Variants in CSMD3 observed in about 807,000 individuals in gnomAD.
CSMD3 encodes CUB and Sushi multiple domains 3.
In CSMD3, 177 loss-of-function variants were observed where a neutral mutation model predicts 435.2. That is an observed-to-expected ratio of 0.41 (90% CI 0.36 to 0.46). CSMD3 has a LOEUF of 0.46. Ranked by LOEUF, CSMD3 falls within the 20% of genes least tolerant of loss-of-function variation. The probability of loss-of-function intolerance (pLI) is 0.34; values close to 1 mark genes in which losing one functional copy is unlikely to be tolerated. For synonymous variants in CSMD3, 1,656 were observed against 1,520.5 expected, an observed-to-expected ratio of 1.09 and a Z score of -2.07; for missense variants, 4,265 against 4,504.6, an observed-to-expected ratio of 0.95 and a Z score of 1.52.
At chr8:113,401,014 C>T (rs2094507557) in intron 1 of CSMD3, among the ~76,000 whole-genome samples, 1 of 151,640 alleles carries the variant, frequency 6.6e-6, no homozygotes, top group Non-Finnish European at 1.5e-5. Flanking sequence ...CTCTATGTAA[C>T]ACATTGTAAA....
At chr8:112,831,907 A>C (rs1008730871) in intron 11 of CSMD3, among the ~76,000 whole-genome samples, 1 of 152,168 alleles carries the variant, frequency 6.6e-6, no homozygotes, top group Non-Finnish European at 1.5e-5. Context: ...CACTCATAGT[A>C]CACCACTGGA....
At chr8:113,360,011 A>G (rs2094261086) in intron 1 of CSMD3, among the ~76,000 whole-genome samples, 1 of 152,222 alleles carries the variant, frequency 6.6e-6, no homozygotes, top group Non-Finnish European at 1.5e-5. Flanking sequence ...GTTTACACAC[A>G]CATTGAGGAG....
Position 112,587,111 on chromosome 8 carries a change from A to G in CSMD3, c.3840T>C (p.Asn1280=). ...SIQVQAGKGI[N]ISARTFHLAQ... is the part of the protein sequence containing the mutation. ...CTAAATGAAATGTTCTGGCTGAAAT[A>G]TTGATTCCCTTTCCTGCTTGAACCT... Residue 1280 remains asparagine, a synonymous_variant, in exon 23 of 71, where the codon AAT becomes AAC. Coordinates refer to ENST00000297405, the MANE Select transcript of CSMD3 (RefSeq NM_198123.2). The G allele has an allele frequency of 6.2e-7, 1 of 1,611,170 alleles. No individual in the cohort carries two copies. Among genetic ancestry groups the G allele is most frequent in the Non-Finnish European group, 8.5e-7 (1 of 1,177,998 alleles).
intron 52 of CSMD3, among the ~76,000 whole-genome samples, chr8:112,303,569 C>A (rs1821126988): frequency 6.6e-6 from 1 of 151,578 alleles, no homozygotes; most frequent in African/African-American, 2.4e-5. Flanking sequence ...AACAAACAAA[C>A]AAACAAACAA....
intron 22 of CSMD3, among the ~76,000 whole-genome samples, chr8:112,615,692 T>C (rs1003052474): frequency 1.3e-5 from 2 of 152,056 alleles, no homozygotes; most frequent in African/African-American, 4.8e-5. Flanking sequence ...CTATATACTA[T>C]AAACCATACG....
intron 9 of CSMD3, among the ~76,000 whole-genome samples, chr8:112,931,589 T>C (rs566128635): frequency 1.4e-5 from 2 of 147,600 alleles, no homozygotes; most frequent in Admixed American, 6.8e-5. Context: ...AAAAGAAAAA[T>C]AGACAAATGG....
At chr8:112,854,148 A>G (rs1028195817) in intron 11 of CSMD3, among the ~76,000 whole-genome samples, 2 of 152,220 alleles carry the variant, frequency 1.3e-5, no homozygotes, top group Admixed American at 6.5e-5. Flanking sequence ...CCTGTGTAAC[A>G]ATTCCCCAAA....
chr8:113,008,262 A>G (rs1224614027), intron 6 of CSMD3, among the ~76,000 whole-genome samples: 1 of 151,904 alleles, frequency 6.6e-6, no homozygotes. Flanking sequence ...TCCAGGAAAT[A>G]CAATAATCAT....
At chr8:113,078,310 C>T (rs1162416644) in intron 5 of CSMD3, among the ~76,000 whole-genome samples, 1 of 152,008 alleles carries the variant, frequency 6.6e-6, no homozygotes, top group Non-Finnish European at 1.5e-5. Context: ...TACTGAGATC[C>T]CGTTAAGACA....
chr8:113,355,833 T>C lies in CSMD3; in HGVS notation c.179-41040A>G, dbSNP rs371254981. ...ATTTATCTATCAACCAAAAAAATTA[T>C]AGGAGCAGTTTTTCATCTTTTGTGA... is the stretch of plus-strand genomic sequence containing the variant. On this transcript the variant is annotated intron_variant, in intron 1 of 70. Coordinates refer to ENST00000297405, the MANE Select transcript of CSMD3 (RefSeq NM_198123.2). 3.5e-5 allele frequency among the ~76,000 whole-genome samples: 5 copies of C among 142,254 alleles called. No homozygotes were observed. In the East Asian group the frequency reaches 8.7e-4, roughly 25 times the overall value. The allele number at this position is 142,254 out of a possible 152,430, so 93.3% of individuals were successfully genotyped here.
chr8:112,583,650 C>T (rs1388985632), intron 23 of CSMD3, among the ~76,000 whole-genome samples: 3 of 151,802 alleles, frequency 2.0e-5, no homozygotes, highest in Admixed American at 2.0e-4. Flanking sequence ...ACATTAATAG[C>T]AGAAGGCATC....
chr8:113,161,003 C>G (rs1394238693), intron 4 of CSMD3, among the ~76,000 whole-genome samples: 3 of 152,014 alleles, frequency 2.0e-5, no homozygotes, highest in Non-Finnish European at 4.4e-5. Context: ...TAAATCTGGC[C>G]TTTGGTTACA....
At chr8:113,174,926 A>G (rs1015918212) in intron 3 of CSMD3, among the ~76,000 whole-genome samples, 2 of 151,990 alleles carry the variant, frequency 1.3e-5, no homozygotes, top group South Asian at 2.1e-4. Context: ...AAGTAGTTAT[A>G]TCAAGGGAAA....
rs191381148 is a variant in CSMD3, at chr8:112,771,416, G to A, written c.1972+28746C>T. On this transcript the variant is annotated intron_variant, in intron 13 of 70. Transcript: ENST00000297405. Reference sequence around the variant, plus strand: ...TAGCCAGACATGGTGGCAAATACCTGTAATTCCAGCTACTTGGGAGGCTGA... The same window carrying A: ...TAGCCAGACATGGTGGCAAATACCTATAATTCCAGCTACTTGGGAGGCTGA... Among the ~76,000 whole-genome samples, 175 of 152,114 alleles carry A rather than the reference G, an allele frequency of 1.2e-3. 1 individual carries two copies. Among genetic ancestry groups the A allele is most frequent in the Non-Finnish European group, 2.4e-4 (16 of 67,976 alleles).
At chr8:112,468,774 C>A (rs996787176) in intron 32 of CSMD3, among the ~76,000 whole-genome samples, 2 of 151,598 alleles carry the variant, frequency 1.3e-5, no homozygotes, top group Admixed American at 6.6e-5. Context: ...TTTTTTAAAT[C>A]CAAAAAGCCA....
chr8:113,020,595 C>G (rs889283443), intron 5 of CSMD3, among the ~76,000 whole-genome samples: 1 of 152,106 alleles, frequency 6.6e-6, no homozygotes, highest in Non-Finnish European at 1.5e-5. Flanking sequence ...ATTAAGGTTT[C>G]TTAATAACAC....
chr8:112,582,434 T>C (rs1048000043), intron 23 of CSMD3, among the ~76,000 whole-genome samples: 4 of 151,672 alleles, frequency 2.6e-5, no homozygotes, highest in African/African-American at 7.3e-5. Context: ...AGGCCTAATA[T>C]AGCATGCTTG....
At position 112,268,836 on chromosome 8, in the gene CSMD3, T is replaced by A. The variant is rs371164448; in HGVS notation, c.9509-3246A>T. Among the ~76,000 whole-genome samples the A allele has an allele frequency of 2.6e-4, 39 of 152,288 alleles. 1 individual carries two copies. The South Asian group carries it at 7.7e-3, about 30-fold the overall frequency. ...ACCATTCCTCTCATAATGCTTCTGA[T>A]TTTACACAATCTCCACATTCAAAAA... On this transcript the variant is annotated intron_variant, in intron 59 of 70. Transcript: ENST00000297405.
chr8:112,309,758 C>G (rs1361277344), intron 50 of CSMD3, among the ~76,000 whole-genome samples: 3 of 152,014 alleles, frequency 2.0e-5, no homozygotes, highest in Non-Finnish European at 2.9e-5. Context: ...TTTACATATG[C>G]CTTTGAAAGC....
Sources: gnomAD v4.1 joint callset for allele counts (sites outside exome capture counted in the v4.1 genomes callset) on GRCh38, gnomAD v4.1.1 for gene constraint, MANE v1.5 for transcripts, NCBI Gene and HGNC (gene_info 2026-07-23, HGNC 2026-07-21) for gene names.